The following CSMD3 variants were observed in gnomAD, a reference collection of about 807,000 sequenced individuals.
CSMD3 encodes CUB and Sushi multiple domains 3.
Under a neutral mutation model 435.2 loss-of-function variants are expected in CSMD3, and 177 were observed. The observed-to-expected ratio is 0.41, with a 90% confidence interval of 0.36 to 0.46. CSMD3 has a LOEUF of 0.46. CSMD3 is among the 20% of genes least tolerant of loss of function. The pLI is 0.34. For synonymous variants in CSMD3, 1,656 were observed against 1,520.5 expected (o/e 1.09, Z -2.07); for missense variants, 4,265 against 4,504.6 (o/e 0.95, Z 1.52).
chr8:113,363,706 A>C (rs2133006332), intron 1 of CSMD3, among the ~76,000 whole-genome samples: 1 of 152,294 alleles, frequency 6.6e-6, no homozygotes, highest in East Asian at 1.9e-4. Context: ...GATACCACTC[A>C]GAGAATCCAG....
chr8:112,655,523 A>C (rs1054107262), intron 18 of CSMD3, among the ~76,000 whole-genome samples: 7 of 152,038 alleles, frequency 4.6e-5, no homozygotes, highest in African/African-American at 1.4e-4. Context: ...TCAGCATCAA[A>C]ATGTTTCAAA....
intron 42 of CSMD3, among the ~76,000 whole-genome samples, chr8:112,339,259 G>T (rs984887414): frequency 2.0e-5 from 3 of 151,798 alleles, no homozygotes; most frequent in Non-Finnish European, 4.4e-5. Context: ...GCAATTGGTT[G>T]CTTTTTGCAA....
chr8:112,335,013 C>T (rs887963897), intron 45 of CSMD3, among the ~76,000 whole-genome samples: 3 of 152,140 alleles, frequency 2.0e-5, no homozygotes, highest in African/African-American at 7.2e-5. Flanking sequence ...ATTGACGTCT[C>T]AAAATTACAT....
intron 41 of CSMD3, among the ~76,000 whole-genome samples, chr8:112,344,160 G>T (rs1159018171): frequency 6.6e-6 from 1 of 152,152 alleles, no homozygotes; most frequent in African/African-American, 2.4e-5. Context: ...GGGATTACAG[G>T]TGTGAGACAC....
chr8:113,013,122 A>G (rs1207198955), intron 6 of CSMD3, among the ~76,000 whole-genome samples: 2 of 152,060 alleles, frequency 1.3e-5, no homozygotes, highest in African/African-American at 2.4e-5. Flanking sequence ...AGCCTGGACT[A>G]TATTTATGAT....
rs1292509504 is a variant in CSMD3 at position 112,914,005 on chromosome 8, A to T, written c.1633+7622T>A. On this transcript the variant is annotated intron_variant, in intron 10 of 70. Coordinates refer to ENST00000297405, the MANE Select transcript of CSMD3 (RefSeq NM_198123.2). ...GCCCATTGATCTCTTTGAGGAGAAAAATTCATCTTTTCCCTCCCCTTACCT... is the reference window on the plus strand; with the variant it reads ...GCCCATTGATCTCTTTGAGGAGAAATATTCATCTTTTCCCTCCCCTTACCT... 5.9e-5 allele frequency among the ~76,000 whole-genome samples: 9 copies of T among 151,964 alleles called. No homozygotes were observed. In the East Asian group the frequency reaches 1.8e-3, roughly 30 times the overall value.
intron 6 of CSMD3, among the ~76,000 whole-genome samples, chr8:112,998,220 A>G (rs1447515527): frequency 4.0e-5 from 6 of 151,892 alleles, no homozygotes; most frequent in Admixed American, 2.6e-4. Context: ...TATTCAGTGA[A>G]CATTTATTTT....
At chr8:112,817,070 A>G (rs1162642255) in intron 12 of CSMD3, among the ~76,000 whole-genome samples, 1 of 152,032 alleles carries the variant, frequency 6.6e-6, no homozygotes, top group East Asian at 1.9e-4. Context: ...ATGTCATCCA[A>G]CGTTAGTGCA....
At chr8:112,533,468 G>A (rs190834814) in intron 27 of CSMD3, among the ~76,000 whole-genome samples, 1 of 151,918 alleles carries the variant, frequency 6.6e-6, no homozygotes, top group African/African-American at 2.4e-5. Context: ...AGCAAGAGTA[G>A]CTATACTTAG....
At chr8:113,144,614 A>T (rs1163080812) in intron 4 of CSMD3, among the ~76,000 whole-genome samples, 4 of 151,428 alleles carry the variant, frequency 2.6e-5, no homozygotes, top group African/African-American at 9.7e-5. Flanking sequence ...TCTTATTTGA[A>T]CTACTCAGAT....
intron 4 of CSMD3, among the ~76,000 whole-genome samples, chr8:113,115,584 C>T (rs998854125): frequency 2.2e-4 from 33 of 152,100 alleles, no homozygotes; most frequent in African/African-American, 5.8e-4. Context: ...TCTTTCAATC[C>T]GCTATTCTTT....
intron 10 of CSMD3, among the ~76,000 whole-genome samples, chr8:112,887,852 A>G (rs2081655439): frequency 6.6e-6 from 1 of 151,716 alleles, no homozygotes; most frequent in African/African-American, 2.4e-5. Flanking sequence ...TTTAGTCCAT[A>G]AATCAACTCA....
At chr8:112,599,462 G>C (rs1427137153) in intron 22 of CSMD3, among the ~76,000 whole-genome samples, 1 of 150,406 alleles carries the variant, frequency 6.6e-6, no homozygotes, top group Non-Finnish European at 1.5e-5. Flanking sequence ...TCAGTGTGGC[G>C]ATTCCTCAGG....
rs1459585206 is a variant in CSMD3, at chr8:112,223,184, TA to T, written c.*1586del. ...AATAAATAACTGATGGCATAAAATT[TA>T]AAACTGCATCCTGCCAGTAGAGTAC... On this transcript the variant is annotated 3_prime_UTR_variant, in exon 71 of 71. Coordinates refer to ENST00000297405, the MANE Select transcript of CSMD3 (RefSeq NM_198123.2). 1 of 395,878 alleles carries T rather than the reference TA, an allele frequency of 2.5e-6. No homozygotes were observed. Among genetic ancestry groups the T allele is most frequent in the Non-Finnish European group, 4.5e-6 (1 of 224,102 alleles). 24.5% of individuals were successfully genotyped at this position (395,878 alleles called of 1,614,324 possible).
chr8:112,715,694 A>T (rs1286561333), intron 13 of CSMD3, among the ~76,000 whole-genome samples: 1 of 152,196 alleles, frequency 6.6e-6, no homozygotes, highest in East Asian at 1.9e-4. Context: ...TGACAAACTG[A>T]ATCCAGCTGC....
intron 3 of CSMD3, among the ~76,000 whole-genome samples, chr8:113,207,379 A>C (rs887149603): frequency 7.1e-5 from 10 of 140,782 alleles, no homozygotes; most frequent in Non-Finnish European, 1.1e-4. Flanking sequence ...AACATCAATT[A>C]TTTTTCTTTT....
intron 38 of CSMD3, among the ~76,000 whole-genome samples, chr8:112,373,419 T>TAC (rs565847617): frequency 5.9e-5 from 9 of 151,982 alleles, no homozygotes; most frequent in Non-Finnish European, 7.4e-5. Flanking sequence ...CCACCCTGTT[T>TAC]ACACACACAC....
At chr8:113,398,766 T>C (rs878956234) in intron 1 of CSMD3, among the ~76,000 whole-genome samples, 5 of 152,062 alleles carry the variant, frequency 3.3e-5, no homozygotes, top group Admixed American at 2.6e-4. Context: ...TGTGGGAATA[T>C]AGAACTCACT....
At chr8:112,813,779 C>T (rs2079293597) in intron 12 of CSMD3, among the ~76,000 whole-genome samples, 1 of 152,120 alleles carries the variant, frequency 6.6e-6, no homozygotes, top group African/African-American at 2.4e-5. Context: ...GCTGGCACCT[C>T]CTCTTATAAG....
Sources: allele counts gnomAD v4.1 joint callset (sites outside exome capture counted in the v4.1 genomes callset), GRCh38; gene constraint gnomAD v4.1.1; transcripts MANE v1.5; gene names NCBI Gene and HGNC (gene_info 2026-07-23, HGNC 2026-07-21).